Variants in ZER1 observed in about 807,000 individuals in gnomAD.
The protein encoded by ZER1 is zyg-11 related cell cycle regulator.
Under a neutral mutation model 78.8 loss-of-function variants are expected in ZER1, and 11 were observed. That is an observed-to-expected ratio of 0.14 (90% CI 0.09 to 0.23). ZER1 has a LOEUF of 0.23. Among genes scored for constraint, ZER1 ranks in the 10% least tolerant of loss-of-function variants. ZER1 has a pLI of 1.00. For missense variants in ZER1, 588 were observed against 996.9 expected (o/e 0.59, Z 5.52); for synonymous variants, 400 against 407.0 (o/e 0.98, Z 0.21).
intron 8 of ZER1, among the ~76,000 whole-genome samples, chr9:128,744,861 TTACAG>T (rs1201201608): frequency 6.6e-6 from 1 of 152,222 alleles, no homozygotes; most frequent in Admixed American, 6.5e-5. Flanking sequence ...TCATTTTTCA[TTACAG>T]TATAGTATTC....
intron 13 of ZER1, among the ~76,000 whole-genome samples, chr9:128,737,083 G>A (rs1229481297): frequency 6.6e-6 from 1 of 152,102 alleles, no homozygotes; most frequent in Non-Finnish European, 1.5e-5. Flanking sequence ...GACGGGGGTT[G>A]CAGTGAGCCA....
At chr9:128,761,603 GTTTT>G (rs1180495331) in intron 1 of ZER1, among the ~76,000 whole-genome samples, 1 of 107,362 alleles carries the variant, frequency 9.3e-6, no homozygotes. Flanking sequence ...CCCATAATTT[GTTTT>G]TTTTTTTTTT....
chr9:128,730,495 C>A lies in ZER1; in HGVS notation c.*842G>T. 1 of 153,072 alleles carries A rather than the reference C, an allele frequency of 6.5e-6. No homozygotes were observed. The highest frequency in any genetic ancestry group is 1.5e-5 in the Non-Finnish European group (1 of 68,270). The allele number at this position is 153,072 out of a possible 1,614,324, so 9.5% of individuals were successfully genotyped here. On this transcript the variant is annotated 3_prime_UTR_variant, in exon 16 of 16. Transcript: ENST00000291900. ...TGGAGCGAGGAAGCAAGCCCCTGGCCCCAGAAGATGCTAGCTTCCAGGGCT... is the reference window on the plus strand; with the variant it reads ...TGGAGCGAGGAAGCAAGCCCCTGGCACCAGAAGATGCTAGCTTCCAGGGCT...
chr9:128,752,601 G>A (rs1160382883), intron 5 of ZER1, 72 bp downstream of exon 5: 9 of 1,482,618 alleles, frequency 6.1e-6, no homozygotes, highest in South Asian at 1.4e-5. Flanking sequence ...GATTACAGGC[G>A]TGAGCCACTG....
chr9:128,748,899 G>T lies in ZER1; in HGVS notation c.1359+1717C>A, dbSNP rs561930061. 4.6e-4 allele frequency among the ~76,000 whole-genome samples: 69 copies of T among 148,634 alleles called. 1 individual carries two copies. Among genetic ancestry groups the T allele is most frequent in the Non-Finnish European group, 8.2e-4 (55 of 67,124 alleles). ...TTTTTGTATTTTTTAGTAGAGATGGGGTTTCGCCATGTTGGCCAGGCTGGT... is the reference window on the plus strand; with the variant it reads ...TTTTTGTATTTTTTAGTAGAGATGGTGTTTCGCCATGTTGGCCAGGCTGGT... On this transcript the variant is annotated intron_variant, in intron 8 of 15. Coordinates refer to ENST00000291900, the MANE Select transcript of ZER1 (RefSeq NM_006336.4).
At position 128,755,197 on chromosome 9, in the gene ZER1, CCA is replaced by C. The variant is rs921466632; in HGVS notation, c.158+209_158+210del. Among the ~76,000 whole-genome samples the C allele has an allele frequency of 6.6e-6, 1 of 152,034 alleles. No homozygotes were observed. The highest frequency in any genetic ancestry group is 2.4e-5 in the African/African-American group (1 of 41,380). ...CCCATGCCTTCACGTGCACACCCCT[CCA>C]CACACACACCAACACACACACATAT... On this transcript the variant is annotated intron_variant, in intron 2 of 15. Coordinates refer to ENST00000291900, the MANE Select transcript of ZER1 (RefSeq NM_006336.4). The surrounding 1 kb of genome is among the most constrained non-coding windows in gnomAD (Gnocchi z 5.6).
chr9:128,746,050 G>A (rs1329429285), intron 8 of ZER1: 2 of 151,936 alleles, frequency 1.3e-5, no homozygotes, highest in Admixed American at 1.3e-4. Context: ...ATGTTGGCCA[G>A]GATGGTCCAG....
intron 1 of ZER1, among the ~76,000 whole-genome samples, chr9:128,770,515 C>A (rs1158795246): frequency 6.6e-6 from 1 of 152,196 alleles, no homozygotes; most frequent in East Asian, 1.9e-4. Flanking sequence ...CTTGCTCCCT[C>A]ACTTATCTCT....
chr9:128,736,171 C>T (rs1467114984), intron 13 of ZER1, among the ~76,000 whole-genome samples: 4 of 151,952 alleles, frequency 2.6e-5, no homozygotes, highest in South Asian at 2.1e-4. Flanking sequence ...AGGATGGTCT[C>T]GATCTCCTGA....
intron 13 of ZER1, among the ~76,000 whole-genome samples, chr9:128,736,083 G>A (rs1031988807): frequency 6.6e-6 from 1 of 151,766 alleles, no homozygotes; most frequent in Admixed American, 6.6e-5. Context: ...CGAGTAGCTG[G>A]GACTACAGGC....
chr9:128,754,581 A>G lies in ZER1; in HGVS notation c.159-622T>C, dbSNP rs534211730. On this transcript the variant is annotated intron_variant, in intron 2 of 15. Coordinates refer to ENST00000291900, the MANE Select transcript of ZER1 (RefSeq NM_006336.4). This position sits in a 1 kb window ranked among gnomAD's most constrained non-coding sequence, Gnocchi z 4.3. The stretch of plus-strand genomic sequence containing the variant: ...AAGTGTCCAACCTAAAGCCTGACCC[A>G]CGGTAAATGCTCAGGACGTTATTAC... Among the ~76,000 whole-genome samples, 1 of 152,240 alleles carries G rather than the reference A, an allele frequency of 6.6e-6. No individual in the cohort carries two copies. The highest frequency in any genetic ancestry group is 2.1e-4 in the South Asian group (1 of 4,816).
At chr9:128,768,969 AGGGT>A (rs922781301) in intron 1 of ZER1, among the ~76,000 whole-genome samples, 10 of 151,952 alleles carry the variant, frequency 6.6e-5, no homozygotes, top group Non-Finnish European at 1.3e-4. Context: ...TTTTAGAGAT[AGGGT>A]TTCCCTATGT....
intron 13 of ZER1, among the ~76,000 whole-genome samples, chr9:128,738,170 G>C (rs542854728): frequency 1.3e-5 from 2 of 148,566 alleles, no homozygotes; most frequent in Non-Finnish European, 3.0e-5. Flanking sequence ...TCAGCCTCCC[G>C]AGTAGCTGGG....
At chr9:128,746,697 A>T (rs935493194) in intron 8 of ZER1, among the ~76,000 whole-genome samples, 1 of 151,650 alleles carries the variant, frequency 6.6e-6, no homozygotes, top group South Asian at 2.1e-4. Context: ...GTGCAATGGT[A>T]CCATCTCGGC....
intron 15 of ZER1, 43 bp from the exon 16 acceptor site, chr9:128,731,437 T>TGGGGGGGGGGGGGGGGGG: frequency 6.6e-6 from 3 of 451,610 alleles, no homozygotes; most frequent in Non-Finnish European, 4.3e-6. Context: ...TGGGCTTGGG[T>TGGGGGGGGGGGGGGGGGG]GGGGGTGAGC....
chr9:128,735,551 G>T, intron 13 of ZER1, 120 bp from the exon 14 acceptor site: 1 of 984,894 alleles, frequency 1.0e-6, no homozygotes. Context: ...CTGGCAGGAT[G>T]CCAGGGAGAA....
At chr9:128,750,496 T>C in intron 8 of ZER1, 120 bp downstream of exon 8, 1 of 1,182,540 alleles carries the variant, frequency 8.5e-7, no homozygotes, top group Non-Finnish European at 1.2e-6. Context: ...GGAGTGCTGC[T>C]GTGGGAAAGG....
At position 128,751,081 on chromosome 9, in the gene ZER1, G is replaced by A. The variant is rs780399285; in HGVS notation, c.1185+41C>T. 19 of 1,552,506 alleles carry A rather than the reference G, an allele frequency of 1.2e-5. No individual in the cohort carries two copies. The African/African-American group carries it at 2.2e-4, about 18-fold the overall frequency. On this transcript the variant is annotated intron_variant, in intron 7 of 15. Transcript: ENST00000291900. This position sits in a 1 kb window ranked among gnomAD's most constrained non-coding sequence, Gnocchi z 5.4. ...CAGCCAAGCCCGGCAACCTCCAGGTGGGGAGGGACAGGAGGCCAAGGCCCC... is the reference window on the plus strand; with the variant it reads ...CAGCCAAGCCCGGCAACCTCCAGGTAGGGAGGGACAGGAGGCCAAGGCCCC...
At chr9:128,770,015 C>T (rs1449122769) in intron 1 of ZER1, among the ~76,000 whole-genome samples, 2 of 152,144 alleles carry the variant, frequency 1.3e-5, no homozygotes, top group African/African-American at 4.8e-5. Context: ...ATCACAAGGA[C>T]AGCCCCTGAT....
Sources: gnomAD v4.1 joint callset for allele counts (sites outside exome capture counted in the v4.1 genomes callset) on GRCh38, gnomAD v4.1.1 for gene constraint, Gnocchi (gnomAD v3.1) non-coding constraint, MANE v1.5 for transcripts, NCBI Gene and HGNC (gene_info 2026-07-23, HGNC 2026-07-21) for gene names.